Variants in CNTN2 observed in about 807,000 individuals in gnomAD.
CNTN2 encodes contactin 2.
CNTN2 carries 53 observed loss-of-function variants against 117.5 expected under a neutral mutation model. The ratio of observed to expected loss-of-function variants is 0.45; its 90% CI spans 0.36 to 0.57. The LOEUF is 0.57. Among genes scored for constraint, CNTN2 ranks in the 20% least tolerant of loss-of-function variants. The pLI is 0.00. For synonymous variants in CNTN2, 530 were observed against 561.7 expected, an observed-to-expected ratio of 0.94 and a Z score of 0.80; for missense variants, 1,106 against 1,404.3, an observed-to-expected ratio of 0.79 and a Z score of 3.39.
At chr1:205,071,919 A>G (rs1421792701) in intron 19 of CNTN2, 28 bp from the exon 20 acceptor site, 1 of 1,591,746 alleles carries the variant, frequency 6.3e-7, no homozygotes, top group East Asian at 2.2e-5. Flanking sequence ...CTTGACTACT[A>G]CCCCTTGGGT....
intron 9 of CNTN2, 31 bp downstream of exon 9, chr1:205,062,032 C>A: frequency 6.2e-7 from 1 of 1,608,210 alleles, no homozygotes; most frequent in South Asian, 1.1e-5. Context: ...CCCGACACAT[C>A]ACAACTGTCC....
At chr1:205,049,419 C>G (rs2096448438) in intron 1 of CNTN2, among the ~76,000 whole-genome samples, 1 of 149,866 alleles carries the variant, frequency 6.7e-6, no homozygotes, top group African/African-American at 2.4e-5. Flanking sequence ...ATGTATATCA[C>G]ACATATACAC....
chr1:205,067,272 A>G lies in CNTN2; in HGVS notation c.2125+22A>G, dbSNP rs540790850. ...GCAGGTGAGAGTCCTGTGTGTCCCA[A>G]AAAGCTATCATCAGGGCAGAGACCC... On this transcript the variant is annotated intron_variant, in intron 16 of 22. Transcript: ENST00000331830. 5.0e-6 allele frequency: 8 copies of G among 1,603,576 alleles called. No individual in the cohort carries two copies. In the East Asian group the frequency reaches 1.8e-4, roughly 36 times the overall value.
chr1:205,061,910 T>C lies in CNTN2; in HGVS notation c.1019T>C (p.Ile340Thr). Residue 340 changes from isoleucine (I) to threonine (T), a missense_variant, in exon 9 of 23, where the codon ATT becomes ACT. Physicochemically the swap from Ile to Thr is moderately conservative, Grantham distance 89 (BLOSUM62 -1). Coordinates refer to ENST00000331830, the MANE Select transcript of CNTN2 (RefSeq NM_005076.5). This position sits in a 1 kb window ranked among gnomAD's most constrained non-coding sequence, Gnocchi z 4.8. Reference sequence around the variant, plus strand: ...GTGATCTCGGACACAGAGGCTGACATTGGCTCCAACCTGCGTTGGGGCTGT... The same window carrying C: ...GTGATCTCGGACACAGAGGCTGACACTGGCTCCAACCTGCGTTGGGGCTGT... ...LKVISDTEAD[I>T]GSNLRWGCAA... 6.3e-7 allele frequency: 1 copy of C among 1,593,134 alleles called. No homozygotes were observed. Among genetic ancestry groups the C allele is most frequent in the South Asian group, 1.1e-5 (1 of 88,540 alleles).
Position 205,069,881 on chromosome 1 carries a change from C to T in CNTN2, c.2251C>T (p.Arg751Cys), listed in dbSNP as rs763489589. ...GDGFGYLLSF[R>C]RQGSTHWQTA... ...CGGCTTCGGCTACCTGCTGTCCTTC[C>T]GCAGGCAGGGCAGCACTCACTGGCA... Residue 751 changes from arginine to cysteine, a missense_variant, in exon 18 of 23, where the codon CGC becomes TGC. Transcript: ENST00000331830. The T allele has an allele frequency of 6.2e-7, 1 of 1,613,832 alleles. No homozygotes were observed. The highest frequency in any genetic ancestry group is 8.5e-7 in the Non-Finnish European group (1 of 1,180,008).
At chr1:205,062,114 G>C (rs1464385564) in intron 9 of CNTN2, 113 bp downstream of exon 9, 9 of 1,349,108 alleles carry the variant, frequency 6.7e-6, no homozygotes, top group Non-Finnish European at 9.0e-6. Flanking sequence ...GGCTAATTAG[G>C]GTGTCAGAGG....
At chr1:205,052,385 G>C (rs889492661) in intron 1 of CNTN2, among the ~76,000 whole-genome samples, 1 of 152,232 alleles carries the variant, frequency 6.6e-6, no homozygotes, top group Non-Finnish European at 1.5e-5. Flanking sequence ...ACAGGGAACA[G>C]GTTCTTCTCC....
At chr1:205,064,971 C>T (rs1654199749) in intron 12 of CNTN2, 116 bp from the exon 13 acceptor site, 5 of 1,294,878 alleles carry the variant, frequency 3.9e-6, no homozygotes, top group Non-Finnish European at 5.4e-6. Context: ...ACCTGTGGGT[C>T]ACACCACCTC....
intron 10 of CNTN2, 95 bp downstream of exon 10, chr1:205,062,664 T>C (rs559405248): frequency 4.4e-6 from 6 of 1,371,308 alleles, no homozygotes; most frequent in Non-Finnish European, 5.8e-6. Flanking sequence ...CACATGCACA[T>C]ACCCTGTGGC....
intron 20 of CNTN2, 25 bp from the exon 21 acceptor site, chr1:205,072,456 ATC>A (rs1654644108): frequency 6.3e-7 from 1 of 1,596,988 alleles, no homozygotes; most frequent in Non-Finnish European, 8.6e-7. Flanking sequence ...ACGTTTGGAC[ATC>A]TCTCCAATTC....
intron 15 of CNTN2, among the ~76,000 whole-genome samples, chr1:205,066,802 G>C (rs1188826748): frequency 6.6e-6 from 1 of 152,204 alleles, no homozygotes; most frequent in Non-Finnish European, 1.5e-5. Flanking sequence ...AGTCGGGAAA[G>C]AGTTAGAAGA....
chr1:205,066,047 A>T lies in CNTN2; in HGVS notation c.1816+138A>T, dbSNP rs967196954. ...TTCCGGCGGAACTCCTGTGAGCTGG[A>T]TATACCCTGTGGTTCTTCACAGGTC... is the stretch of plus-strand genomic sequence containing the variant. On this transcript the variant is annotated intron_variant, in intron 14 of 22. Transcript: ENST00000331830. The T allele has an allele frequency of 6.6e-5, 70 of 1,052,718 alleles. 3 individuals are homozygous for T. In the South Asian group the frequency reaches 1.2e-3, roughly 18 times the overall value. The allele number at this position is 1,052,718 out of a possible 1,614,324, so 65.2% of individuals were successfully genotyped here.
chr1:205,066,280 T>C (rs927106618), intron 14 of CNTN2, 161 bp from the exon 15 acceptor site: 2 of 790,098 alleles, frequency 2.5e-6, no homozygotes, highest in African/African-American at 3.5e-5. Flanking sequence ...CCGCCCCAAC[T>C]GCCCACACCC....
chr1:205,053,101 T>C lies in CNTN2; in HGVS notation c.-85T>C. On this transcript the variant is annotated splice_region_variant and 5_prime_UTR_variant, in exon 2 of 23. Coordinates refer to ENST00000331830, the MANE Select transcript of CNTN2 (RefSeq NM_005076.5). ...CCTCCTTTCTGTCTGCCTCCCCAGG[T>C]CCTTTCTCAGCCTCCAGCTGGGCTG... 9.8e-7 allele frequency: 1 copy of C among 1,025,010 alleles called. No homozygotes were observed. 63.5% of individuals were successfully genotyped at this position (1,025,010 alleles called of 1,614,324 possible).
intron 1 of CNTN2, among the ~76,000 whole-genome samples, chr1:205,047,349 G>A (rs2096443335): frequency 6.6e-6 from 1 of 152,098 alleles, no homozygotes; most frequent in African/African-American, 2.4e-5. Flanking sequence ...CGCCACCACA[G>A]AGCCCTGTAC....
At chr1:205,057,384 C>T (rs1653702311) in intron 2 of CNTN2, 1 of 152,392 alleles carries the variant, frequency 6.6e-6, no homozygotes, top group Admixed American at 6.5e-5. Flanking sequence ...GTCTCATGCA[C>T]CTCACACCCC....
In CNTN2 at chr1:205,066,181, G is replaced by C. The variant is rs1654279368; in HGVS notation, c.1817-260G>C. Reference sequence around the variant, plus strand: ...TGAGCCCTGAAGTTTTCAAAGCCTAGTGCTGGGAGATCTATGCACCTCTCC... The same window carrying C: ...TGAGCCCTGAAGTTTTCAAAGCCTACTGCTGGGAGATCTATGCACCTCTCC... On this transcript the variant is annotated intron_variant, in intron 14 of 22. Transcript: ENST00000331830. The C allele has an allele frequency of 4.9e-6, 3 of 608,716 alleles. No homozygotes were observed. The East Asian group carries it at 8.5e-5, about 17-fold the overall frequency. The allele number at this position is 608,716 out of a possible 1,614,324, so 37.7% of individuals were successfully genotyped here. A position where few individuals can be genotyped will look rare whatever the true frequency, so the allele number is the denominator to read the frequency against.
At position 205,067,157 on chromosome 1, in the gene CNTN2, T is replaced by C; in HGVS notation, c.2032T>C (p.Trp678Arg). The C allele has an allele frequency of 6.2e-7, 1 of 1,614,110 alleles. No homozygotes were observed. Among genetic ancestry groups the C allele is most frequent in the Non-Finnish European group, 8.5e-7 (1 of 1,179,994 alleles). ...ETAQVLGLTP[W>R]MDYEFRVIAS... ...TGCACAGGTGCTGGGCCTCACCCCC[T>C]GGATGGACTATGAGTTCCGGGTCAT... Residue 678 changes from tryptophan (W) to arginine (R), a missense_variant, in exon 16 of 23, where the codon TGG becomes CGG. Trp to Arg is a moderately radical substitution (Grantham distance 101). Coordinates refer to ENST00000331830, the MANE Select transcript of CNTN2 (RefSeq NM_005076.5).
rs894624584 is a variant in CNTN2, at chr1:205,064,327, G to A, written c.1246G>A (p.Ala416Thr). The A allele has an allele frequency of 5.7e-6, 9 of 1,567,570 alleles. No homozygotes were observed. Among genetic ancestry groups the A allele is most frequent in the African/African-American group, 5.5e-5 (4 of 72,826 alleles). Reference sequence around the variant, plus strand: ...GCTCTCCCCTTTCCTTCTAGCACTCGCCCCTGACTTCAGGCTGAATCCCGT... The same window carrying A: ...GCTCTCCCCTTTCCTTCTAGCACTCACCCCTGACTTCAGGCTGAATCCCGT... ...ASAELAVQALAPDFRLNPVRR... is the reference protein window; with the variant it reads ...ASAELAVQALTPDFRLNPVRR... Residue 416 changes from alanine to threonine, a missense_variant, in exon 11 of 23, where the codon GCC becomes ACC. By Grantham distance (58) the Ala-to-Thr change is moderately conservative (BLOSUM62 0). Transcript: ENST00000331830.
Sources: allele counts gnomAD v4.1 joint callset (sites outside exome capture counted in the v4.1 genomes callset), GRCh38; gene constraint gnomAD v4.1.1; non-coding constraint Gnocchi (gnomAD v3.1); transcripts MANE v1.5; gene names NCBI Gene and HGNC (gene_info 2026-07-23, HGNC 2026-07-21).